MAP7: variants seen among roughly 807,000 people sequenced by gnomAD.
MAP7 encodes ensconsin.
A neutral mutation model predicts 94.8 loss-of-function variants in MAP7; 52 were observed. The observed-to-expected ratio is 0.55, with a 90% confidence interval of 0.44 to 0.69. The LOEUF (loss-of-function observed/expected upper bound fraction) is 0.69, where lower values mean the gene tolerates loss of function less well. Among genes scored for constraint, MAP7 ranks in the 30% least tolerant of loss-of-function variants. The pLI is 0.00. For missense variants in MAP7, 940 were observed against 964.6 expected (o/e 0.97, Z 0.34); for synonymous variants, 350 against 357.0 (o/e 0.98, Z 0.22).
At chr6:136,360,154 T>A in intron 13 of MAP7, 123 bp from the exon 14 acceptor site, 3 of 99,568 alleles carry the variant, frequency 3.0e-5, no homozygotes, top group South Asian at 2.4e-4. Flanking sequence ...CAATATGCAC[T>A]TTTTTTTTTT....
chr6:136,500,631 G>A (rs1023259555), intron 1 of MAP7, among the ~76,000 whole-genome samples: 1 of 152,196 alleles, frequency 6.6e-6, no homozygotes, highest in Non-Finnish European at 1.5e-5. Context: ...TGTTGTACTT[G>A]TGGTTACACT....
Position 136,505,277 on chromosome 6 carries a change from G to GTGTATATATA in MAP7, c.67+45064_67+45065insTATATATACA, listed in dbSNP as rs1465266004. ...TGTGTGTGTGTGTGTGTGTGTGTGT[G>GTGTATATATA]TATATATATATATATATATATATAT... On this transcript the variant is annotated intron_variant, in intron 1 of 17. Coordinates refer to ENST00000354570, the MANE Select transcript of MAP7 (RefSeq NM_003980.6). 1.2e-3 allele frequency among the ~76,000 whole-genome samples: 63 copies of GTGTATATATA among 53,820 alleles called. 1 individual carries two copies. Among genetic ancestry groups the GTGTATATATA allele is most frequent in the African/African-American group, 4.0e-3 (50 of 12,426 alleles). The allele number at this position is 53,820 out of a possible 152,430, so 35.3% of individuals were successfully genotyped here. A position where few individuals can be genotyped will look rare whatever the true frequency, so the allele number is the denominator to read the frequency against.
At chr6:136,346,138 T>A in intron 16 of MAP7, 59 bp from the exon 17 acceptor site, 1 of 1,067,786 alleles carries the variant, frequency 9.4e-7, no homozygotes, top group Non-Finnish European at 1.4e-6. Flanking sequence ...GAAAACACAT[T>A]ATTAGGAAAA....
chr6:136,517,548 TTCTC>T (rs1238719802), intron 1 of MAP7, among the ~76,000 whole-genome samples: 2 of 152,240 alleles, frequency 1.3e-5, no homozygotes, highest in African/African-American at 2.4e-5. Flanking sequence ...TGCTTGTGTA[TTCTC>T]TCTAATACCC....
At chr6:136,548,100 C>G (rs7757185) in intron 1 of MAP7, among the ~76,000 whole-genome samples, 1 of 118,660 alleles carries the variant, frequency 8.4e-6, no homozygotes, top group African/African-American at 3.2e-5. Context: ...CACCACCACC[C>G]CCCCCCACCC....
At chr6:136,536,400 C>A (rs546011317) in intron 1 of MAP7, among the ~76,000 whole-genome samples, 3 of 152,210 alleles carry the variant, frequency 2.0e-5, no homozygotes, top group African/African-American at 7.2e-5. Flanking sequence ...AACCCTTTCA[C>A]TTTTCATATC....
intron 1 of MAP7, among the ~76,000 whole-genome samples, chr6:136,531,914 G>C (rs1828500637): frequency 6.6e-6 from 1 of 152,186 alleles, no homozygotes; most frequent in East Asian, 1.9e-4. Context: ...ATAGAAAAAA[G>C]AAAGCTAAGA....
intron 2 of MAP7, among the ~76,000 whole-genome samples, chr6:136,412,441 G>A (rs1787792295): frequency 6.6e-6 from 1 of 152,120 alleles, no homozygotes; most frequent in African/African-American, 2.4e-5. Flanking sequence ...TACATAGAAT[G>A]AAAGAAGGAG....
chr6:136,413,737 T>C (rs1788271509), intron 2 of MAP7, among the ~76,000 whole-genome samples: 1 of 152,124 alleles, frequency 6.6e-6, no homozygotes, highest in African/African-American at 2.4e-5. Context: ...CTCAGTCTCC[T>C]GAGTAGCTGA....
At chr6:136,363,752 TCTATCAAG>T (rs1445925666) in intron 10 of MAP7, among the ~76,000 whole-genome samples, 1 of 152,102 alleles carries the variant, frequency 6.6e-6, no homozygotes, top group Non-Finnish European at 1.5e-5. Context: ...AATTCTGACT[TCTATCAAG>T]CACACAGGCT....
chr6:136,523,119 T>A (rs58842992), intron 1 of MAP7, among the ~76,000 whole-genome samples: 4 of 152,114 alleles, frequency 2.6e-5, no homozygotes, highest in Non-Finnish European at 5.9e-5. Context: ...AACTAGTGAC[T>A]GGTAATAATA....
chr6:136,529,017 G>T (rs1027805666), intron 1 of MAP7, among the ~76,000 whole-genome samples: 1 of 152,138 alleles, frequency 6.6e-6, no homozygotes, highest in Non-Finnish European at 1.5e-5. Flanking sequence ...CCATCTTCTC[G>T]CAATTCCCTT....
At chr6:136,360,848 G>C in intron 12 of MAP7, 50 bp from the exon 13 acceptor site, 1 of 1,594,346 alleles carries the variant, frequency 6.3e-7, no homozygotes, top group Non-Finnish European at 8.6e-7. Flanking sequence ...CGGGCTGCCC[G>C]GGTCTCCCAG....
intron 15 of MAP7, among the ~76,000 whole-genome samples, 197 bp downstream of exon 15, chr6:136,359,623 G>A (rs1381143356): frequency 1.3e-5 from 2 of 152,008 alleles, no homozygotes; most frequent in African/African-American, 2.4e-5. Context: ...ATAAACAAAC[G>A]TGAAAAGTAA....
rs1157419937 is a variant in MAP7, at chr6:136,389,220, T to G, written c.408+134A>C. The G allele has an allele frequency of 3.6e-6, 5 of 1,373,580 alleles. No homozygotes were observed. The East Asian group carries it at 1.3e-4, about 35-fold the overall frequency. 85.1% of individuals were successfully genotyped at this position (1,373,580 alleles called of 1,614,324 possible). On this transcript the variant is annotated intron_variant, in intron 4 of 17. Coordinates refer to ENST00000354570, the MANE Select transcript of MAP7 (RefSeq NM_003980.6). ...CATACCCTGAACTCCCTAGAAACTG[T>G]AGCCATCTGTAAAGCTGATCACTCT... is the stretch of plus-strand genomic sequence containing the variant.
chr6:136,391,555 A>AAACAAC (rs58864802), intron 3 of MAP7, among the ~76,000 whole-genome samples: 4,776 of 149,720 alleles, frequency 0.032, 111 homozygotes, highest in African/African-American at 0.053. Flanking sequence ...GTATAATAAA[A>AAACAAC]AACAACAACA....
At chr6:136,349,070 C>T (rs890524464) in intron 16 of MAP7, among the ~76,000 whole-genome samples, 8 of 152,154 alleles carry the variant, frequency 5.3e-5, no homozygotes, top group Admixed American at 1.3e-4. Flanking sequence ...TTCTGATATT[C>T]ACCCCTGTCC....
intron 1 of MAP7, among the ~76,000 whole-genome samples, chr6:136,540,908 C>T (rs1190215982): frequency 6.6e-6 from 1 of 152,142 alleles, no homozygotes; most frequent in Non-Finnish European, 1.5e-5. Context: ...GATTGAGAGC[C>T]AATGATGTGA....
chr6:136,496,777 TAAAAAAAAA>T (rs1171059105), intron 1 of MAP7, among the ~76,000 whole-genome samples: 1 of 53,300 alleles, frequency 1.9e-5, no homozygotes, highest in Non-Finnish European at 3.6e-5. Context: ...CCGTCTCTAC[TAAAAAAAAA>T]AAAAAAAAAA....
Sources: allele counts gnomAD v4.1 joint callset (sites outside exome capture counted in the v4.1 genomes callset), GRCh38; gene constraint gnomAD v4.1.1; transcripts MANE v1.5; gene names NCBI Gene and HGNC (gene_info 2026-07-23, HGNC 2026-07-21).